Variants in ZZEF1 observed in about 807,000 individuals in gnomAD.
ZZEF1 encodes the protein zinc finger ZZ-type and EF-hand domain containing 1, also known as zinc finger ZZ-type and EF-hand domain-containing protein 1.
In ZZEF1, 157 loss-of-function variants were observed where a neutral mutation model predicts 342.8. The ratio of observed to expected loss-of-function variants is 0.46; its 90% CI spans 0.40 to 0.52. ZZEF1 has a LOEUF of 0.52. Among genes scored for constraint, ZZEF1 ranks in the 20% least tolerant of loss-of-function variants. The pLI is 0.00. For synonymous variants in ZZEF1, 1,505 were observed against 1,429.1 expected (o/e 1.05, Z -1.20); for missense variants, 3,480 against 3,725.6 (o/e 0.93, Z 1.72).
In ZZEF1 at chr17:4,075,173, T is replaced by C; in HGVS notation, c.3407A>G (p.Asp1136Gly). ...TCTAGCGTCGGTAAATTCCAGATAA[T>C]CATACCTGTGAAGGCATAACCTCTA... ...DDRCETEKRY[D>G]YLEFTDARGR... is the part of the protein sequence containing the mutation. The change falls in exon 23 of 55, where the codon GAT becomes GGT. Residue 1136 changes from aspartate (D) to glycine (G), a missense_variant. Asp to Gly is a moderately conservative substitution (Grantham distance 94). Coordinates refer to ENST00000381638, the MANE Select transcript of ZZEF1 (RefSeq NM_015113.4). 6.2e-7 allele frequency: 1 copy of C among 1,614,222 alleles called. No homozygotes were observed. Among genetic ancestry groups the C allele is most frequent in the Non-Finnish European group, 8.5e-7 (1 of 1,180,034 alleles).
intron 42 of ZZEF1, among the ~76,000 whole-genome samples, chr17:4,028,601 T>C (rs940756225): frequency 6.7e-5 from 10 of 148,566 alleles, no homozygotes; most frequent in African/African-American, 2.5e-4. Flanking sequence ...CTGCAATAAA[T>C]GTAAATGGTC....
chr17:4,017,538 C>T lies in ZZEF1; in HGVS notation c.7834G>A (p.Glu2612Lys), dbSNP rs781010261. 15 of 1,614,140 alleles carry T rather than the reference C, an allele frequency of 9.3e-6. No homozygotes were observed. In the Admixed American group the frequency reaches 1.8e-4, roughly 20 times the overall value. The change falls in exon 48 of 55, where the codon GAG (glutamate) becomes AAG (lysine). Residue 2612 changes from glutamate (E) to lysine (K), a missense_variant. By Grantham distance (56) the Glu-to-Lys change is moderately conservative. Coordinates refer to ENST00000381638, the MANE Select transcript of ZZEF1 (RefSeq NM_015113.4). The surrounding 1 kb of genome is among the most constrained non-coding windows in gnomAD (Gnocchi z 5.1). ...CGGGCGTACAGGACAGCTGTGGCCTCGTTCACTCGGAAGAGGTAGTCCCGG... is the reference window on the plus strand; with the variant it reads ...CGGGCGTACAGGACAGCTGTGGCCTTGTTCACTCGGAAGAGGTAGTCCCGG... Reference protein sequence around the residue: ...AVRDYLFRVNEATAVLYARHV... With the variant: ...AVRDYLFRVNKATAVLYARHV...
At chr17:4,042,248 T>TAC (rs34618023) in intron 39 of ZZEF1, among the ~76,000 whole-genome samples, 181 bp downstream of exon 39, 27,355 of 151,928 alleles carry the variant, frequency 0.18, 2,707 homozygotes, top group East Asian at 0.27. Flanking sequence ...TATTGTTTTA[T>TAC]ACACACACAC....
At chr17:4,139,648 G>A (rs771680343) in intron 1 of ZZEF1, among the ~76,000 whole-genome samples, 1 of 152,176 alleles carries the variant, frequency 6.6e-6, no homozygotes, top group Admixed American at 6.5e-5. Flanking sequence ...TCTTTGGCTA[G>A]TCCTAACTTA....
chr17:4,112,574 G>A (rs753870117), intron 5 of ZZEF1, 35 bp downstream of exon 5: 17 of 1,609,170 alleles, frequency 1.1e-5, no homozygotes, highest in Admixed American at 3.3e-5. Flanking sequence ...CTACTCCCTT[G>A]CTTTTCCCTA....
intron 33 of ZZEF1, among the ~76,000 whole-genome samples, chr17:4,054,593 T>C (rs75723048): frequency 0.014 from 2,104 of 152,150 alleles, 55 homozygotes; most frequent in African/African-American, 0.049. Context: ...AAAAAGGGGA[T>C]GAGAGACAGG....
chr17:4,072,463 G>T, intron 25 of ZZEF1, 145 bp downstream of exon 25: 1 of 1,025,142 alleles, frequency 9.8e-7, no homozygotes, highest in Non-Finnish European at 1.3e-6. Context: ...GCGTTAACAA[G>T]TTAACAAGGT....
intron 1 of ZZEF1, among the ~76,000 whole-genome samples, chr17:4,129,448 A>G (rs965352037): frequency 2.0e-5 from 3 of 152,218 alleles, no homozygotes. Flanking sequence ...CTGCAGCACT[A>G]TTCACCATAG....
At chr17:4,139,678 C>A (rs550330782) in intron 1 of ZZEF1, among the ~76,000 whole-genome samples, 35 of 152,314 alleles carry the variant, frequency 2.3e-4, no homozygotes, top group Admixed American at 2.0e-3. Flanking sequence ...ACAGACAGAG[C>A]AGCCATCACA....
rs2055861596 is a variant in ZZEF1 at position 4,008,517 on chromosome 17, G to C, written c.8805+366C>G. 2.9e-6 allele frequency: 3 copies of C among 1,038,670 alleles called. No individual in the cohort carries two copies. In the South Asian group the frequency reaches 1.1e-4, roughly 40 times the overall value. 64.3% of individuals were successfully genotyped at this position (1,038,670 alleles called of 1,614,324 possible). On this transcript the variant is annotated intron_variant, in intron 54 of 54. Coordinates refer to ENST00000381638, the MANE Select transcript of ZZEF1 (RefSeq NM_015113.4). This position sits in a 1 kb window ranked among gnomAD's most constrained non-coding sequence, Gnocchi z 4.2. ...CAGTGAAAAGTGTGAAGCGTCCTGA[G>C]ACCAAACAGCTGTCAGAAGAGGAGT...
Position 4,051,876 on chromosome 17 carries a change from T to TA in ZZEF1, c.5600+94dup, listed in dbSNP as rs985933222. 171 of 1,341,492 alleles carry TA rather than the reference T, an allele frequency of 1.3e-4. 1 individual carries two copies. The African/African-American group carries it at 1.8e-3, about 14-fold the overall frequency. The allele number at this position is 1,341,492 out of a possible 1,614,324, so 83.1% of individuals were successfully genotyped here. A position where few individuals can be genotyped will look rare whatever the true frequency, so the allele number is the denominator to read the frequency against. On this transcript the variant is annotated intron_variant, in intron 35 of 54. Coordinates refer to ENST00000381638, the MANE Select transcript of ZZEF1 (RefSeq NM_015113.4). ...TTTTGGTTATGTTTAAATTTTTAAA[T>TA]AAAAAAAACTTTTTTAAAAAAAGAA...
chr17:4,074,153 G>A lies in ZZEF1; in HGVS notation c.3682C>T (p.Arg1228Cys), dbSNP rs137982723. ...ASQCMALKSVRQLGSNMVVPQ... is the reference protein window; with the variant it reads ...ASQCMALKSVCQLGSNMVVPQ... ...AAGCACAGGGATGTGCACTTACGGC[G>A]CACAGACTTGAGCGCCATGCACTGG... Residue 1228 changes from arginine (R) to cysteine (C), a missense_variant, in exon 24 of 55, where the codon CGC (arginine) becomes TGC (cysteine). Arg to Cys is a radical substitution (Grantham distance 180). Coordinates refer to ENST00000381638, the MANE Select transcript of ZZEF1 (RefSeq NM_015113.4). The A allele has an allele frequency of 1.7e-5, 28 of 1,613,692 alleles. 1 individual carries two copies. Among genetic ancestry groups the A allele is most frequent in the Middle Eastern group, 1.7e-4 (1 of 6,046 alleles).
intron 42 of ZZEF1, 115 bp downstream of exon 42, chr17:4,032,011 T>G: frequency 8.7e-7 from 1 of 1,154,572 alleles, no homozygotes; most frequent in Non-Finnish European, 1.2e-6. Context: ...CTATAACTTG[T>G]TCTTTAAAAA....
Position 4,064,369 on chromosome 17 carries a change from C to A in ZZEF1, c.4710G>T (p.Ser1570=), listed in dbSNP as rs755431522. 1.3e-6 allele frequency: 2 copies of A among 1,583,794 alleles called. No homozygotes were observed. Among genetic ancestry groups the A allele is most frequent in the Admixed American group, 1.7e-5 (1 of 58,674 alleles). The change falls in exon 29 of 55, where the codon TCG becomes TCT. Residue 1570 remains serine, a synonymous_variant. Transcript: ENST00000381638. ...VMDFIKDQSL[S]HRSVVKVLSL... is the part of the protein sequence containing the mutation. ...GGTAACAACGGGCTTACCTCCTGTG[C>A]GAGAGCGACTGATCCTTAATGAAGT... is the stretch of plus-strand genomic sequence containing the variant.
rs529851773 is a variant in ZZEF1 at position 4,089,040 on chromosome 17, A to G, written c.2026-147T>C. On this transcript the variant is annotated intron_variant, in intron 12 of 54. Transcript: ENST00000381638. ...ATGCTCAGCACTAGGGACACAAAAT[A>G]TAAGTCCAGCATTTACAGTACAGAG... The G allele has an allele frequency of 4.6e-4, 305 of 669,878 alleles. No homozygotes were observed. The East Asian group carries it at 5.7e-3, about 12-fold the overall frequency. The allele number at this position is 669,878 out of a possible 1,614,324, so 41.5% of individuals were successfully genotyped here. A position where few individuals can be genotyped will look rare whatever the true frequency, so the allele number is the denominator to read the frequency against.
At chr17:4,026,500 ATAGACAAACATCTT>A (rs1480301996) in intron 42 of ZZEF1, among the ~76,000 whole-genome samples, 3 of 151,972 alleles carry the variant, frequency 2.0e-5, no homozygotes, top group Non-Finnish European at 4.4e-5. Flanking sequence ...CCAGAAGACA[ATAGACAAACATCTT>A]TTTTTTTTCT....
Position 4,014,164 on chromosome 17 carries a change from G to A in ZZEF1, c.8339C>T (p.Thr2780Ile), listed in dbSNP as rs1172953483. ...CCACTCGGTGTTGCTCATGTCGGAGGTGAAGCGGTAATACAGAGTGTCTCC... is the reference window on the plus strand; with the variant it reads ...CCACTCGGTGTTGCTCATGTCGGAGATGAAGCGGTAATACAGAGTGTCTCC... Reference protein sequence around the residue: ...LPGDTLYYRFTSDMSNTEWGY... With the variant: ...LPGDTLYYRFISDMSNTEWGY... Residue 2780 changes from threonine to isoleucine, a missense_variant, in exon 51 of 55, where the codon ACC becomes ATC. Physicochemically the swap from Thr to Ile is moderately conservative, Grantham distance 89. Transcript: ENST00000381638. This position sits in a 1 kb window ranked among gnomAD's most constrained non-coding sequence, Gnocchi z 4.4. 3.7e-6 allele frequency: 6 copies of A among 1,614,196 alleles called. No homozygotes were observed. The highest frequency in any genetic ancestry group is 3.4e-6 in the Non-Finnish European group (4 of 1,180,046).
At chr17:4,013,998 A>G (rs2056034768) in intron 51 of ZZEF1, 92 bp downstream of exon 51, 2 of 1,263,912 alleles carry the variant, frequency 1.6e-6, no homozygotes. Context: ...ACCTGCTTTG[A>G]TTTTAACCAA....
At chr17:4,039,428 C>T (rs1415927356) in intron 39 of ZZEF1, among the ~76,000 whole-genome samples, 3 of 151,994 alleles carry the variant, frequency 2.0e-5, no homozygotes, top group Admixed American at 6.6e-5. Context: ...TGAAATCGCA[C>T]CACTGAACTC....
Sources: gnomAD v4.1 joint callset for allele counts (sites outside exome capture counted in the v4.1 genomes callset) on GRCh38, gnomAD v4.1.1 for gene constraint, Gnocchi (gnomAD v3.1) non-coding constraint, MANE v1.5 for transcripts, NCBI Gene and HGNC (gene_info 2026-07-23, HGNC 2026-07-21) for gene names.